Variants in CHRNB4 observed in about 807,000 individuals in gnomAD.
CHRNB4 encodes neuronal acetylcholine receptor subunit beta-4.
In CHRNB4, 23 loss-of-function variants were observed where a neutral mutation model predicts 40.4. The ratio of observed to expected loss-of-function variants is 0.57; its 90% CI spans 0.41 to 0.81. CHRNB4 has a LOEUF of 0.81. CHRNB4 is among the 30% of genes least tolerant of loss of function. The pLI is 0.00. For missense variants in CHRNB4, 568 were observed against 670.6 expected (o/e 0.85, Z 1.69); for synonymous variants, 285 against 274.4 (o/e 1.04, Z -0.38).
intron 1 of CHRNB4, among the ~76,000 whole-genome samples, chr15:78,660,293 G>A (rs1005258897): frequency 1.3e-5 from 2 of 151,884 alleles, no homozygotes; most frequent in Admixed American, 6.6e-5. Flanking sequence ...GGGTAGCCCT[G>A]TCCCACAAGG....
At chr15:78,630,180 C>T (rs1363272234) in intron 4 of CHRNB4, among the ~76,000 whole-genome samples, 2 of 150,190 alleles carry the variant, frequency 1.3e-5, no homozygotes, top group African/African-American at 4.9e-5. Context: ...TGCTCTGTTG[C>T]CCAGGCTGAG....
intron 2 of CHRNB4, among the ~76,000 whole-genome samples, chr15:78,632,203 T>C (rs1345978530): frequency 1.5e-4 from 15 of 101,376 alleles, no homozygotes; most frequent in African/African-American, 8.8e-4. Flanking sequence ...CTTTCTTTCT[T>C]TCTTTCTTTC....
At chr15:78,653,030 T>C (rs2054186111) in intron 5 of CHRNB4, among the ~76,000 whole-genome samples, 1 of 152,176 alleles carries the variant, frequency 6.6e-6, no homozygotes, top group South Asian at 2.1e-4. Flanking sequence ...GTGATAGTTG[T>C]CACCCCGCTC....
intron 1 of CHRNB4, among the ~76,000 whole-genome samples, chr15:78,659,369 G>A (rs1228185370): frequency 6.6e-6 from 1 of 152,164 alleles, no homozygotes; most frequent in East Asian, 1.9e-4. Flanking sequence ...GGGAGGCAGA[G>A]GTGAGCTGAG....
At chr15:78,645,781 C>T (rs117884604), upstream of CHRNB4, among the ~76,000 whole-genome samples, 234 of 152,116 alleles carry the variant, frequency 1.5e-3, no homozygotes, top group Non-Finnish European at 2.7e-3. Flanking sequence ...TGACATAGGC[C>T]GGGCACGGTG....
chr15:78,638,848 G>A (rs1240543622), intron 1 of CHRNB4, among the ~76,000 whole-genome samples: 3 of 152,212 alleles, frequency 2.0e-5, no homozygotes. Context: ...ATGGGTGGAA[G>A]CTTCTGCAGC....
At chr15:78,632,229 C>T (rs62010817) in intron 2 of CHRNB4, among the ~76,000 whole-genome samples, 20 of 86,968 alleles carry the variant, frequency 2.3e-4, no homozygotes, top group African/African-American at 1.4e-3. Flanking sequence ...CTCTCTCTCT[C>T]TCTCTCTCTC....
chr15:78,634,435 G>T (rs991523491), intron 2 of CHRNB4, among the ~76,000 whole-genome samples: 1 of 152,232 alleles, frequency 6.6e-6, no homozygotes. Flanking sequence ...GTCCGACTAC[G>T]GAGGGAGAGG....
At chr15:78,630,820 C>A in intron 4 of CHRNB4, 1 of 492,640 alleles carries the variant, frequency 2.0e-6, no homozygotes, top group African/African-American at 1.9e-5. Context: ...GGTTCAAGGT[C>A]AGGACACTGC....
intron 2 of CHRNB4, chr15:78,657,385 T>G (rs1232915690): frequency 2.0e-5 from 3 of 152,152 alleles, no homozygotes; most frequent in Non-Finnish European, 4.4e-5. Context: ...GCACAACACC[T>G]AATAGGAATA....
At chr15:78,637,037 A>C (rs2053965821) in intron 1 of CHRNB4, among the ~76,000 whole-genome samples, 1 of 152,158 alleles carries the variant, frequency 6.6e-6, no homozygotes, top group Non-Finnish European at 1.5e-5. Context: ...TTAGACCTAC[A>C]GAGTGTAAGG....
chr15:78,659,779 T>A (rs1322290369), intron 1 of CHRNB4, among the ~76,000 whole-genome samples: 1 of 152,214 alleles, frequency 6.6e-6, no homozygotes, highest in African/African-American at 2.4e-5. Flanking sequence ...GTTTAGTTTC[T>A]TCTGGAGAGT....
intron 6 of CHRNB4, chr15:78,649,574 CA>C (rs2054154711): frequency 7.0e-6 from 2 of 286,800 alleles, no homozygotes; most frequent in Non-Finnish European, 1.4e-5. Context: ...GCTTTTTACA[CA>C]AAAAGTTTGC....
Position 78,629,244 on chromosome 15 carries a change from C to A in CHRNB4, c.1061G>T (p.Ser354Ile). The stretch of plus-strand genomic sequence containing the variant: ...GGGCGGGAAGGCTCTGGCCGGGCTG[C>A]TGTCGGGGCCAGGGCGCTTCATGAA... ...FLFMKRPGPDSSPARAFPPSK... is the reference protein window; with the variant it reads ...FLFMKRPGPDISPARAFPPSK... Residue 354 changes from serine to isoleucine, a missense_variant, in exon 5 of 6, where the codon AGC (serine) becomes ATC (isoleucine). This residue lies in a region of CHRNB4 where 242 missense variants were observed against 274.9 expected (regional missense o/e 0.88). Transcript: ENST00000261751. The surrounding 1 kb of genome is among the most constrained non-coding windows in gnomAD (Gnocchi z 6.8). 1 of 1,613,276 alleles carries A rather than the reference C, an allele frequency of 6.2e-7. No individual in the cohort carries two copies. Among genetic ancestry groups the A allele is most frequent in the Non-Finnish European group, 8.5e-7 (1 of 1,179,476 alleles).
rs1270283585 is a variant in CHRNB4, at chr15:78,625,035, C to T, written c.*98G>A. On this transcript the variant is annotated 3_prime_UTR_variant, in exon 6 of 6. Coordinates refer to ENST00000261751, the MANE Select transcript of CHRNB4 (RefSeq NM_000750.5). ...TGATGGGGTTGATGGCCAATGCTCA[C>T]ATATTTACTTAGGGCCTCATCAGCC... 7 of 1,604,352 alleles carry T rather than the reference C, an allele frequency of 4.4e-6. No individual in the cohort carries two copies. The highest frequency in any genetic ancestry group is 5.1e-6 in the Non-Finnish European group (6 of 1,179,802).
Position 78,629,909 on chromosome 15 carries a change from G to T in CHRNB4, c.396C>A (p.Asn132Lys). 1 of 1,608,750 alleles carries T rather than the reference G, an allele frequency of 6.2e-7. No individual in the cohort carries two copies. The highest frequency in any genetic ancestry group is 8.5e-7 in the Non-Finnish European group (1 of 1,178,850). ...CGCTGCCGTTGGACCGGACTATCAA[G>T]TTGGTGTAGACAGACACCTCATAGG... ...DGTYEVSVYT[N>K]LIVRSNGSVL... Residue 132 changes from asparagine (N) to lysine (K), a missense_variant, in exon 5 of 6, where the codon AAC (asparagine) becomes AAA (lysine). Physicochemically the swap from Asn to Lys is moderately conservative, Grantham distance 94. Coordinates refer to ENST00000261751, the MANE Select transcript of CHRNB4 (RefSeq NM_000750.5). This position sits in a 1 kb window ranked among gnomAD's most constrained non-coding sequence, Gnocchi z 6.8.
chr15:78,625,356 A>G, intron 5 of CHRNB4, 65 bp from the exon 6 acceptor site: 1 of 1,444,450 alleles, frequency 6.9e-7, no homozygotes, highest in Non-Finnish European at 9.3e-7. Flanking sequence ...TCCCCGAGTC[A>G]GGCCCTTACT....
intron 2 of CHRNB4, among the ~76,000 whole-genome samples, chr15:78,632,936 C>T (rs182218439): frequency 2.0e-4 from 31 of 152,242 alleles, no homozygotes; most frequent in African/African-American, 6.7e-4. Flanking sequence ...TTCCAAAGTT[C>T]CTGTCATTTC....
chr15:78,660,622 G>C (rs1358234001), upstream of CHRNB4: 1 of 162,016 alleles, frequency 6.2e-6, no homozygotes, highest in African/African-American at 2.4e-5. Flanking sequence ...GGGTCAGTGC[G>C]ACGACTGGAA....
Sources: gnomAD v4.1 joint callset for allele counts (sites outside exome capture counted in the v4.1 genomes callset) on GRCh38, gnomAD v4.1.1 for gene constraint, gnomAD v4.1.1 regional missense constraint, Gnocchi (gnomAD v3.1) non-coding constraint, MANE v1.5 for transcripts, NCBI Gene and HGNC (gene_info 2026-07-23, HGNC 2026-07-21) for gene names.